The following MEGF10 variants were observed in gnomAD, a reference collection of about 807,000 sequenced individuals.
MEGF10 encodes multiple epidermal growth factor-like domains protein 10.
A neutral mutation model predicts 147.5 loss-of-function variants in MEGF10; 86 were observed. That is an observed-to-expected ratio of 0.58 (90% CI 0.49 to 0.70). The LOEUF is 0.70. Among genes scored for constraint, MEGF10 ranks in the 30% least tolerant of loss-of-function variants. The pLI is 0.00. For synonymous variants in MEGF10, 478 were observed against 525.5 expected (o/e 0.91, Z 1.24); for missense variants, 1,329 against 1,487.3 (o/e 0.89, Z 1.75).
intron 1 of MEGF10, among the ~76,000 whole-genome samples, chr5:127,318,795 A>C (rs1020623068): frequency 6.6e-6 from 1 of 152,146 alleles, no homozygotes; most frequent in African/African-American, 2.4e-5. Flanking sequence ...GCCCAATTGC[A>C]AACAAACAAA....
At chr5:127,439,823 T>A (rs1421988391) in intron 17 of MEGF10, among the ~76,000 whole-genome samples, 1 of 152,176 alleles carries the variant, frequency 6.6e-6, no homozygotes, top group Non-Finnish European at 1.5e-5. Flanking sequence ...TATCCATCCC[T>A]GCATTTCTGG....
chr5:127,446,560 T>C (rs1765948067), intron 20 of MEGF10, among the ~76,000 whole-genome samples: 1 of 152,116 alleles, frequency 6.6e-6, no homozygotes, highest in East Asian at 1.9e-4. Flanking sequence ...GAACAAAAGT[T>C]CTCTGAAAAG....
At chr5:127,276,252 C>CAA in the MEGF10 span, among the ~76,000 whole-genome samples, 1 of 152,170 alleles carries the variant, frequency 6.6e-6, no homozygotes, top group African/African-American at 2.4e-5. Flanking sequence ...TTGCTCTTCA[C>CAA]CTGTGTAAAC....
At position 127,455,405 on chromosome 5, in the gene MEGF10, G is replaced by A. The variant is rs757439749; in HGVS notation, c.3030G>A (p.Leu1010=). 2 of 1,613,560 alleles carry A rather than the reference G, an allele frequency of 1.2e-6. No individual in the cohort carries two copies. The highest frequency in any genetic ancestry group is 1.1e-5 in the South Asian group (1 of 90,966). Reference sequence around the variant, plus strand: ...TCTTCTCATTTCTCTTCACAGACCTGGGAAAGAATTCTGAATATAATTCAA... The same window carrying A: ...TCTTCTCATTTCTCTTCACAGACCTAGGAAAGAATTCTGAATATAATTCAA... The part of the protein sequence containing the change: ...RSYMGKSLKD[L]GKNSEYNSSN... The change falls in exon 24 of 25, where the codon CTG becomes CTA. Residue 1010 remains leucine, a synonymous_variant. Transcript: ENST00000503335.
At chr5:127,269,950 T>C in the MEGF10 span, among the ~76,000 whole-genome samples, 3 of 152,136 alleles carry the variant, frequency 2.0e-5, no homozygotes, top group African/African-American at 7.2e-5. Context: ...AGAAAAGAAT[T>C]TTCAACACAG....
At chr5:127,409,320 G>C (rs1202925152) in intron 8 of MEGF10, among the ~76,000 whole-genome samples, 2 of 152,170 alleles carry the variant, frequency 1.3e-5, no homozygotes, top group African/African-American at 4.8e-5. Context: ...GTTCTGGCCT[G>C]ACTTGAGAGC....
chr5:127,359,471 A>C (rs1762399078), intron 4 of MEGF10, among the ~76,000 whole-genome samples: 1 of 152,064 alleles, frequency 6.6e-6, no homozygotes, highest in Non-Finnish European at 1.5e-5. Context: ...CCTCACCTCA[A>C]TTATGATAGT....
At chr5:127,420,299 G>A in intron 12 of MEGF10, 92 bp downstream of exon 12, 1 of 1,431,898 alleles carries the variant, frequency 7.0e-7, no homozygotes, top group African/African-American at 1.4e-5. Context: ...GACTTCAAGT[G>A]GCTCACTGTG....
intron 4 of MEGF10, among the ~76,000 whole-genome samples, chr5:127,354,802 A>C (rs1308960251): frequency 1.3e-5 from 2 of 152,158 alleles, no homozygotes; most frequent in Non-Finnish European, 1.5e-5. Context: ...GACATGCTTA[A>C]CTCGGGATCA....
chr5:127,346,948 T>C (rs1374915078), intron 4 of MEGF10, among the ~76,000 whole-genome samples: 1 of 152,098 alleles, frequency 6.6e-6, no homozygotes, highest in African/African-American at 2.4e-5. Flanking sequence ...ATATATCTTA[T>C]ACATACAGCT....
At chr5:127,279,300 G>A in the MEGF10 span, among the ~76,000 whole-genome samples, 2 of 152,168 alleles carry the variant, frequency 1.3e-5, no homozygotes, top group African/African-American at 4.8e-5. Flanking sequence ...TTATGGAAGA[G>A]TGAGGTGCTT....
At position 127,422,670 on chromosome 5, in the gene MEGF10, G is replaced by T; in HGVS notation, c.1591G>T (p.Asp531Tyr). 1 of 1,613,584 alleles carries T rather than the reference G, an allele frequency of 6.2e-7. No homozygotes were observed. The part of the protein sequence containing the change: ...RGEKCELPCQ[D>Y]GTYGLNCAER... ...GCCTTTGATGCTGTTTTCCATGCAG[G>T]ATGGCACGTACGGGCTGAACTGTGC... The change falls in exon 13 of 25, where the codon GAT (aspartate) becomes TAT (tyrosine). Residue 531 changes from aspartate (D) to tyrosine (Y), a missense_variant and splice_region_variant. Around this residue, in one of 3 missense-constraint regions of MEGF10, gnomAD observed 980 missense variants for 1,085.9 expected, o/e 0.90. Transcript: ENST00000503335.
intron 5 of MEGF10, among the ~76,000 whole-genome samples, chr5:127,383,467 T>C (rs1215252204): frequency 6.6e-6 from 1 of 151,910 alleles, no homozygotes; most frequent in Non-Finnish European, 1.5e-5. Flanking sequence ...GATAAATAAA[T>C]AAATAAATAA....
At chr5:127,411,800 T>C (rs1764574562) in intron 9 of MEGF10, among the ~76,000 whole-genome samples, 4 of 152,242 alleles carry the variant, frequency 2.6e-5, no homozygotes, top group Admixed American at 2.0e-4. Flanking sequence ...GCTGGCAGGA[T>C]TAGGGACAAG....
At chr5:127,314,895 A>T (rs1380267285) in intron 1 of MEGF10, among the ~76,000 whole-genome samples, 1 of 152,172 alleles carries the variant, frequency 6.6e-6, no homozygotes, top group Non-Finnish European at 1.5e-5. Flanking sequence ...CTGTATTTAT[A>T]AGAAGGAAAT....
chr5:127,430,279 A>G (rs1765349434), intron 13 of MEGF10, among the ~76,000 whole-genome samples: 1 of 152,218 alleles, frequency 6.6e-6, no homozygotes, highest in South Asian at 2.1e-4. Context: ...TGACAAACAA[A>G]GAAACAAAAA....
At chr5:127,311,724 A>G (rs543261290) in intron 1 of MEGF10, among the ~76,000 whole-genome samples, 1 of 152,300 alleles carries the variant, frequency 6.6e-6, no homozygotes, top group Admixed American at 6.5e-5. Context: ...ACTGTAGTTT[A>G]ATTAGTAGAT....
rs1294309003 is a variant in MEGF10, at chr5:127,458,991, GT to G, written c.*1675del. 6.6e-6 allele frequency: 1 copy of G among 152,142 alleles called. No homozygotes were observed. Among genetic ancestry groups the G allele is most frequent in the Non-Finnish European group, 1.5e-5 (1 of 68,024 alleles). 9.4% of individuals were successfully genotyped at this position (152,142 alleles called of 1,614,324 possible). On this transcript the variant is annotated 3_prime_UTR_variant, in exon 25 of 25. Coordinates refer to ENST00000503335, the MANE Select transcript of MEGF10 (RefSeq NM_001256545.2). ...ATGCAGGAAAGCCAGTTTCCCTTTT[GT>G]TGATCTACTTGACCAAGCAAAGGGG...
At chr5:127,286,650 T>C (rs542128874), upstream of MEGF10, among the ~76,000 whole-genome samples, 5 of 151,274 alleles carry the variant, frequency 3.3e-5, no homozygotes, top group Non-Finnish European at 7.4e-5. Flanking sequence ...TAAGCAAAAA[T>C]TTGACTTTAA....
Sources: allele counts gnomAD v4.1 joint callset (sites outside exome capture counted in the v4.1 genomes callset), GRCh38; gene constraint gnomAD v4.1.1; regional missense constraint gnomAD v4.1.1; transcripts MANE v1.5; gene names NCBI Gene and HGNC (gene_info 2026-07-23, HGNC 2026-07-21).